Variants in KAZN observed in about 807,000 individuals in gnomAD.
KAZN encodes the protein kazrin, periplakin interacting protein.
In KAZN, 40 loss-of-function variants were observed where a neutral mutation model predicts 87.4. The ratio of observed to expected loss-of-function variants is 0.46; its 90% CI spans 0.36 to 0.60. The LOEUF (loss-of-function observed/expected upper bound fraction) is 0.60, where lower values mean the gene tolerates loss of function less well. Ranked by LOEUF, KAZN falls within the 20% of genes least tolerant of loss-of-function variation. The probability of loss-of-function intolerance (pLI) is 0.00; values close to 1 mark genes in which losing one functional copy is unlikely to be tolerated. For synonymous variants in KAZN, 466 were observed against 458.3 expected, an observed-to-expected ratio of 1.02 and a Z score of -0.22; for missense variants, 898 against 1,073.9, an observed-to-expected ratio of 0.84 and a Z score of 2.29.
rs138447902 is a variant in KAZN, at chr1:14,415,528, G to A, written c.250-183455G>A. ...GGCTGAGGGTTCTTCCCCAGTCCTC[G>A]ACCCCCACCCACTGAAGTCTGTGCT... is the stretch of plus-strand genomic sequence containing the variant. On this transcript the variant is annotated intron_variant, in intron 2 of 16. Coordinates refer to the KAZN transcript ENST00000636203. 8.7e-3 allele frequency among the ~76,000 whole-genome samples: 1,331 copies of A among 152,142 alleles called. 15 individuals carry two copies. The highest frequency in any genetic ancestry group is 0.031 in the African/African-American group (1,278 of 41,488).
At chr1:14,739,533 C>T (rs1435147322) in intron 1 of KAZN, among the ~76,000 whole-genome samples, 2 of 152,086 alleles carry the variant, frequency 1.3e-5, no homozygotes, top group Non-Finnish European at 2.9e-5. Context: ...GTTTCCTCCC[C>T]TTGGCCGGGT....
intron 2 of KAZN, among the ~76,000 whole-genome samples, chr1:14,484,115 G>A (rs934374923): frequency 5.3e-5 from 8 of 152,178 alleles, no homozygotes; most frequent in Admixed American, 2.0e-4. Context: ...CTGTTCTGAC[G>A]GTCTATGTGT....
intron 7 of KAZN, among the ~76,000 whole-genome samples, chr1:15,065,093 G>A (rs1288979114): frequency 6.5e-5 from 9 of 138,140 alleles, no homozygotes; most frequent in African/African-American, 8.9e-5. Flanking sequence ...GTGCAGTGGC[G>A]CGATCCTGGC....
At chr1:14,693,310 G>T (rs1286144023) in intron 1 of KAZN, among the ~76,000 whole-genome samples, 4 of 152,210 alleles carry the variant, frequency 2.6e-5, no homozygotes, top group African/African-American at 9.6e-5. Context: ...TAAGGGAGGG[G>T]TAGCAGAATT....
At chr1:13,993,044 C>T (rs1196553184) in intron 1 of KAZN, among the ~76,000 whole-genome samples, 1 of 152,152 alleles carries the variant, frequency 6.6e-6, no homozygotes, top group Non-Finnish European at 1.5e-5. Flanking sequence ...CCCCTTTGCT[C>T]CAGTGATGTC....
At chr1:15,062,574 G>A (rs1342086744) in intron 6 of KAZN, 1 of 152,468 alleles carries the variant, frequency 6.6e-6, no homozygotes, top group Non-Finnish European at 1.5e-5. Flanking sequence ...CTCACACTCT[G>A]GCCACTAATT....
intron 2 of KAZN, among the ~76,000 whole-genome samples, chr1:14,257,321 G>T (rs1223703197): frequency 6.8e-6 from 1 of 146,146 alleles, no homozygotes; most frequent in Non-Finnish European, 1.5e-5. Flanking sequence ...GGGGTTGTTT[G>T]TTTTTTTCTT....
intron 2 of KAZN, among the ~76,000 whole-genome samples, chr1:14,459,522 T>C (rs1667748269): frequency 6.6e-6 from 1 of 152,142 alleles, no homozygotes; most frequent in Non-Finnish European, 1.5e-5. Flanking sequence ...TTGCAATCAA[T>C]TGGTATTGGC....
At chr1:14,646,091 G>A (rs1298845800) in intron 1 of KAZN, among the ~76,000 whole-genome samples, 1 of 152,166 alleles carries the variant, frequency 6.6e-6, no homozygotes, top group Non-Finnish European at 1.5e-5. Context: ...GGTAGGGGTT[G>A]GGGTGGGGAG....
chr1:13,906,526 C>T (rs1054869033), intron 1 of KAZN, among the ~76,000 whole-genome samples: 4 of 152,174 alleles, frequency 2.6e-5, no homozygotes, highest in Non-Finnish European at 5.9e-5. Context: ...GCTGGACCGG[C>T]CCAGGTTTCC....
At chr1:14,563,889 G>C (rs112981239) in intron 2 of KAZN, among the ~76,000 whole-genome samples, 1 of 28,010 alleles carries the variant, frequency 3.6e-5, no homozygotes, top group Non-Finnish European at 7.7e-5. Flanking sequence ...TTTTTTTTTT[G>C]TCTGAGACAG....
chr1:15,069,052 G>A (rs1263662088), intron 8 of KAZN, among the ~76,000 whole-genome samples: 1 of 151,910 alleles, frequency 6.6e-6, no homozygotes, highest in Non-Finnish European at 1.5e-5. Context: ...CTCATTCCAG[G>A]CCATATTCCT....
At chr1:14,802,259 C>A (rs544923160) in intron 1 of KAZN, among the ~76,000 whole-genome samples, 190 of 152,042 alleles carry the variant, frequency 1.2e-3, no homozygotes, top group African/African-American at 4.4e-3. Flanking sequence ...CAAAAATTAG[C>A]CAGGTGTGGT....
chr1:13,918,220 A>T (rs1639933201), intron 1 of KAZN, among the ~76,000 whole-genome samples: 1 of 152,230 alleles, frequency 6.6e-6, no homozygotes, highest in Non-Finnish European at 1.5e-5. Context: ...ATCATTCTAG[A>T]TGCTATTAAG....
intron 1 of KAZN, among the ~76,000 whole-genome samples, chr1:14,034,341 C>T (rs1641455566): frequency 6.6e-6 from 1 of 152,026 alleles, no homozygotes; most frequent in Non-Finnish European, 1.5e-5. Context: ...AGGAGACATC[C>T]TCCGGTGAGG....
chr1:14,504,950 G>A (rs1336255364), intron 2 of KAZN, among the ~76,000 whole-genome samples: 1 of 152,204 alleles, frequency 6.6e-6, no homozygotes, highest in Non-Finnish European at 1.5e-5. Context: ...GAAGGTTACA[G>A]GGTGTCCCTG....
At chr1:14,321,566 G>T (rs1026638308) in intron 2 of KAZN, among the ~76,000 whole-genome samples, 1 of 152,112 alleles carries the variant, frequency 6.6e-6, no homozygotes, top group Non-Finnish European at 1.5e-5. Context: ...TTTATCCCTG[G>T]CTCACTAAGG....
At chr1:14,353,538 A>G (rs925334640) in intron 2 of KAZN, among the ~76,000 whole-genome samples, 5 of 152,180 alleles carry the variant, frequency 3.3e-5, no homozygotes, top group African/African-American at 1.2e-4. Flanking sequence ...TTCTATGTAG[A>G]AAACTTGAAG....
intron 2 of KAZN, among the ~76,000 whole-genome samples, chr1:14,185,590 T>A (rs935858526): frequency 6.6e-5 from 10 of 152,224 alleles, no homozygotes; most frequent in Non-Finnish European, 1.3e-4. Context: ...GTTTTTTACA[T>A]AACTCTTACA....
Sources: allele counts gnomAD v4.1 joint callset (sites outside exome capture counted in the v4.1 genomes callset), GRCh38; gene constraint gnomAD v4.1.1; transcripts MANE v1.5; gene names NCBI Gene and HGNC (gene_info 2026-07-23, HGNC 2026-07-21).